Variants in A2ML1 observed in about 807,000 individuals in gnomAD.
The protein encoded by A2ML1 is alpha-2-macroglobulin like 1.
In A2ML1, 161 loss-of-function variants were observed where a neutral mutation model predicts 181.9. That is an observed-to-expected ratio of 0.89 (90% CI 0.78 to 1.01). A2ML1 has a LOEUF of 1.01. A2ML1 is among the 50% of genes least tolerant of loss of function. The pLI is 0.00. For missense variants in A2ML1, 1,670 were observed against 1,768.1 expected (o/e 0.94, Z 1.00); for synonymous variants, 663 against 666.8 (o/e 0.99, Z 0.09).
At chr12:8,851,762 G>C (rs1943896354) in intron 18 of A2ML1, 22 bp from the exon 19 acceptor site, 1 of 1,612,632 alleles carries the variant, frequency 6.2e-7, no homozygotes, top group African/African-American at 1.3e-5. Flanking sequence ...TCTGCCTCAT[G>C]TTGGTCCTTG....
At chr12:8,835,421 C>T in intron 5 of A2ML1, 86 bp from the exon 6 acceptor site, 1 of 1,559,448 alleles carries the variant, frequency 6.4e-7, no homozygotes, top group Admixed American at 1.7e-5. Context: ...GGTTTTTTAC[C>T]TGCCTTTTGC....
In A2ML1 at chr12:8,852,007, A is replaced by G; in HGVS notation, c.2458A>G (p.Ile820Val). The G allele has an allele frequency of 6.2e-7, 1 of 1,614,044 alleles. No homozygotes were observed. The highest frequency in any genetic ancestry group is 1.1e-5 in the South Asian group (1 of 91,082). ...CATCTTCAATTACCTAAAGGATTGC[A>G]TCAGGGTGAGAGCTGGGGATACAGG... ...ATIFNYLKDC[I>V]RVQTDLAKSH... Residue 820 changes from isoleucine (I) to valine (V), a missense_variant, in exon 19 of 36, where the codon ATC becomes GTC. Ile to Val is a conservative substitution (Grantham distance 29, BLOSUM62 3). Transcript: ENST00000299698. The surrounding 1 kb of genome is among the most constrained non-coding windows in gnomAD (Gnocchi z 4.2).
intron 10 of A2ML1, among the ~76,000 whole-genome samples, chr12:8,840,548 G>C (rs528035528): frequency 2.0e-5 from 3 of 152,192 alleles, no homozygotes; most frequent in African/African-American, 7.2e-5. Flanking sequence ...CCAAGGGTGG[G>C]TGCAAATTAT....
At position 8,858,074 on chromosome 12, in the gene A2ML1, T is replaced by C. The variant is rs768240642; in HGVS notation, c.3236T>C (p.Val1079Ala). The C allele has an allele frequency of 6.2e-7, 1 of 1,614,016 alleles. No individual in the cohort carries two copies. The highest frequency in any genetic ancestry group is 1.3e-5 in the African/African-American group (1 of 74,884). The part of the protein sequence containing the change: ...NQLPSGCYAN[V>A]GNLLHTAMKG... ...CTCCCCAGTGGCTGCTATGCCAACG[T>C]GGGAAATCTCCTTCACACAGCTATG... Residue 1079 changes from valine to alanine, a missense_variant, in exon 26 of 36, where the codon GTG becomes GCG. Physicochemically the swap from Val to Ala is moderately conservative, Grantham distance 64 (BLOSUM62 0). Transcript: ENST00000299698.
chr12:8,836,781 C>G (rs1247045323), intron 7 of A2ML1, among the ~76,000 whole-genome samples: 1 of 152,136 alleles, frequency 6.6e-6, no homozygotes, highest in Non-Finnish European at 1.5e-5. Flanking sequence ...CCGCGCCCAG[C>G]CAAGAACATA....
intron 3 of A2ML1, among the ~76,000 whole-genome samples, chr12:8,827,423 C>G (rs758993553): frequency 6.6e-6 from 1 of 152,208 alleles, no homozygotes; most frequent in Non-Finnish European, 1.5e-5. Flanking sequence ...CTCATTTTCT[C>G]TCTCAACCTC....
chr12:8,854,851 G>A lies in A2ML1; in HGVS notation c.2764+20G>A, dbSNP rs1362890301. The A allele has an allele frequency of 3.1e-6, 5 of 1,612,604 alleles. No homozygotes were observed. The Admixed American group carries it at 5.0e-5, about 16-fold the overall frequency. ...CAAAAGGTGGGTGGACTCAGAGCAGGATTGGTGGTGAGAATTCCCTTAGAG... is the reference window on the plus strand; with the variant it reads ...CAAAAGGTGGGTGGACTCAGAGCAGAATTGGTGGTGAGAATTCCCTTAGAG... On this transcript the variant is annotated intron_variant, in intron 22 of 35. Coordinates refer to ENST00000299698, the MANE Select transcript of A2ML1 (RefSeq NM_144670.6).
chr12:8,824,199 G>A (rs761468056), intron 3 of A2ML1, among the ~76,000 whole-genome samples: 1 of 150,014 alleles, frequency 6.7e-6, no homozygotes, highest in East Asian at 2.0e-4. Flanking sequence ...AAGCACTGAG[G>A]GCATTTGGCT....
At chr12:8,843,691 A>G (rs1204497565) in intron 12 of A2ML1, among the ~76,000 whole-genome samples, 3 of 150,264 alleles carry the variant, frequency 2.0e-5, no homozygotes, top group Non-Finnish European at 4.4e-5. Context: ...GACTGAGCAC[A>G]TTTCAAGTAT....
At chr12:8,846,044 T>C in intron 13 of A2ML1, 33 bp from the exon 14 acceptor site, 1 of 1,611,554 alleles carries the variant, frequency 6.2e-7, no homozygotes. Flanking sequence ...ATGTGCATTC[T>C]GATTTTCCTG....
intron 7 of A2ML1, among the ~76,000 whole-genome samples, chr12:8,883,335 A>G (rs900561291): frequency 6.6e-6 from 1 of 152,092 alleles, no homozygotes; most frequent in African/African-American, 2.4e-5. Context: ...AAAAAGTACA[A>G]TTTTATTTGG....
At chr12:8,881,760 A>C (rs141614353), downstream of A2ML1, among the ~76,000 whole-genome samples, 4,591 of 152,048 alleles carry the variant, frequency 0.03, 94 homozygotes, top group Non-Finnish European at 0.049. Flanking sequence ...ACCTGTAATC[A>C]CAGCACTTTG....
chr12:8,886,010 T>TCACACACACACACACACA (rs35294269), intron 7 of A2ML1, among the ~76,000 whole-genome samples: 6 of 145,004 alleles, frequency 4.1e-5, no homozygotes, highest in Middle Eastern at 3.4e-3. Flanking sequence ...CAACAATATC[T>TCACACACACACACACACA]CACACACACA....
In A2ML1 at chr12:8,842,332, C is replaced by T. The variant is rs1177005631; in HGVS notation, c.1248+796C>T. Among the ~76,000 whole-genome samples, 3 of 152,082 alleles carry T rather than the reference C, an allele frequency of 2.0e-5. No individual in the cohort carries two copies. The East Asian group carries it at 5.8e-4, about 29-fold the overall frequency. ...TCCCCGGTTCACGCCATTCTCCTGC[C>T]TCAGCCTCCCCGAGTAGCTGGGACT... On this transcript the variant is annotated intron_variant, in intron 11 of 35. Transcript: ENST00000299698.
chr12:8,845,430 TTTC>T lies in A2ML1; in HGVS notation c.1477-6_1477-4del, dbSNP rs753247393. On this transcript the variant is annotated splice_polypyrimidine_tract_variant and intron_variant, in intron 12 of 35. Coordinates refer to ENST00000299698, the MANE Select transcript of A2ML1 (RefSeq NM_144670.6). ...ACTTCTGTGCAGTTGATTCTTTTCT[TTTC>T]TTCTTTAGTTAATAGGGAAAGGAAG... is the stretch of plus-strand genomic sequence containing the variant. 4 of 1,613,980 alleles carry T rather than the reference TTTC, an allele frequency of 2.5e-6. No homozygotes were observed. In the African/African-American group the frequency reaches 5.3e-5, roughly 22 times the overall value.
chr12:8,867,120 G>A (rs1944449606), intron 29 of A2ML1, among the ~76,000 whole-genome samples: 1 of 152,182 alleles, frequency 6.6e-6, no homozygotes, highest in African/African-American at 2.4e-5. Context: ...CAACTGTCAT[G>A]TAGAAGATCA....
At chr12:8,880,849 T>C (rs1944864205), downstream of A2ML1, among the ~76,000 whole-genome samples, 1 of 152,130 alleles carries the variant, frequency 6.6e-6, no homozygotes. Context: ...AACAAAAGAG[T>C]CATACATGGA....
chr12:8,862,815 C>CAT (rs3079160), intron 28 of A2ML1, among the ~76,000 whole-genome samples: 142,888 of 152,172 alleles, frequency 0.94, 67,739 homozygotes, highest in East Asian at 1. Flanking sequence ...TGCAAGCTCA[C>CAT]GTTTCCTGTT....
At chr12:8,882,341 C>T (rs1195066685) in intron 7 of A2ML1, among the ~76,000 whole-genome samples, 2 of 152,222 alleles carry the variant, frequency 1.3e-5, no homozygotes, top group East Asian at 1.9e-4. Flanking sequence ...CTTGAATCCC[C>T]GCCTTCATCA....
Sources: allele counts gnomAD v4.1 joint callset (sites outside exome capture counted in the v4.1 genomes callset), GRCh38; gene constraint gnomAD v4.1.1; non-coding constraint Gnocchi (gnomAD v3.1); transcripts MANE v1.5; gene names NCBI Gene and HGNC (gene_info 2026-07-23, HGNC 2026-07-21).